Variants in NBAS observed in about 807,000 individuals in gnomAD.
NBAS encodes NAG/BC035112 fusion.
In NBAS, 219 loss-of-function variants were observed where a neutral mutation model predicts 302.5. That is an observed-to-expected ratio of 0.72 (90% CI 0.65 to 0.81). The LOEUF (loss-of-function observed/expected upper bound fraction) is 0.81, where lower values mean the gene tolerates loss of function less well. NBAS is among the 30% of genes least tolerant of loss of function. NBAS has a pLI of 0.00. For synonymous variants in NBAS, 1,118 were observed against 1,021.6 expected (o/e 1.09, Z -1.80); for missense variants, 2,932 against 2,841.6 (o/e 1.03, Z -0.72).
the NBAS span, among the ~76,000 whole-genome samples, chr2:14,783,232 C>T: frequency 6.6e-6 from 1 of 152,026 alleles, no homozygotes; most frequent in Non-Finnish European, 1.5e-5. Context: ...TGTGACTAAA[C>T]GTACTGGAAA....
chr2:14,854,054 C>G, the NBAS span, among the ~76,000 whole-genome samples: 5 of 146,236 alleles, frequency 3.4e-5, no homozygotes, highest in Non-Finnish European at 7.5e-5. Flanking sequence ...CACATGTACC[C>G]TAAAACTTAA....
At chr2:15,415,163 A>G (rs1210860135) in intron 25 of NBAS, among the ~76,000 whole-genome samples, 1 of 152,180 alleles carries the variant, frequency 6.6e-6, no homozygotes, top group Non-Finnish European at 1.5e-5. Context: ...TTCACTTTAT[A>G]TCACAATTTT....
chr2:14,788,872 T>G, the NBAS span, among the ~76,000 whole-genome samples: 5 of 152,322 alleles, frequency 3.3e-5, no homozygotes, highest in East Asian at 1.9e-4. Context: ...CTGTCAGACA[T>G]GGACATTTAA....
At position 15,247,363 on chromosome 2, in the gene NBAS, C is replaced by T. The variant is rs566666318; in HGVS notation, c.5725-8677G>A. 2.6e-5 allele frequency among the ~76,000 whole-genome samples: 4 copies of T among 152,248 alleles called. No individual in the cohort carries two copies. In the South Asian group the frequency reaches 6.2e-4, roughly 24 times the overall value. ...AAATAACCAGCTAGCATGATAATGG[C>T]TGGATCAAACTTATACATAACAATA... On this transcript the variant is annotated intron_variant, in intron 44 of 51. Transcript: ENST00000281513.
At chr2:15,489,156 A>C in intron 11 of NBAS, 134 bp from the exon 12 acceptor site, 1 of 999,488 alleles carries the variant, frequency 1.0e-6, no homozygotes, top group Non-Finnish European at 1.5e-6. Flanking sequence ...GCTTCCTATC[A>C]TTATAAATGT....
intron 9 of NBAS, among the ~76,000 whole-genome samples, chr2:15,522,404 G>C (rs934702658): frequency 6.6e-6 from 1 of 152,150 alleles, no homozygotes; most frequent in Non-Finnish European, 1.5e-5. Context: ...GGGAATACAT[G>C]AGAAGAAGCA....
chr2:15,042,014 G>A, the NBAS span, among the ~76,000 whole-genome samples: 2 of 152,222 alleles, frequency 1.3e-5, no homozygotes. Flanking sequence ...TGCTTCACAT[G>A]TTCCTCTATT....
chr2:15,422,273 G>C (rs1036920912), intron 23 of NBAS, among the ~76,000 whole-genome samples: 1 of 152,162 alleles, frequency 6.6e-6, no homozygotes, highest in African/African-American at 2.4e-5. Context: ...AGGCATTTCA[G>C]GTTCCTCCAT....
the NBAS span, among the ~76,000 whole-genome samples, chr2:14,900,172 T>C: frequency 6.6e-6 from 1 of 151,018 alleles, no homozygotes; most frequent in Non-Finnish European, 1.5e-5. Flanking sequence ...ACCTACCCAT[T>C]TGCTCAGCTG....
the NBAS span, among the ~76,000 whole-genome samples, chr2:15,148,449 G>A: frequency 3.3e-5 from 5 of 152,154 alleles, no homozygotes; most frequent in Non-Finnish European, 7.3e-5. Context: ...GGCAAGGAAT[G>A]ACCTAAATTT....
At chr2:14,945,942 G>C in the NBAS span, among the ~76,000 whole-genome samples, 1 of 152,252 alleles carries the variant, frequency 6.6e-6, no homozygotes, top group African/African-American at 2.4e-5. Context: ...TTAGCCAGAC[G>C]TGGTGGCACG....
intron 21 of NBAS, among the ~76,000 whole-genome samples, chr2:15,457,787 C>A (rs575092256): frequency 3.9e-5 from 6 of 152,174 alleles, no homozygotes; most frequent in African/African-American, 1.4e-4. Context: ...TTCAAAGAAC[C>A]CTCACAACGG....
intron 45 of NBAS, among the ~76,000 whole-genome samples, chr2:15,237,367 C>T (rs973082413): frequency 1.3e-5 from 2 of 151,736 alleles, no homozygotes; most frequent in Non-Finnish European, 2.9e-5. Flanking sequence ...TTTGAGACAC[C>T]AAGGAACTAG....
the NBAS span, among the ~76,000 whole-genome samples, chr2:15,144,192 G>A: frequency 6.6e-6 from 1 of 151,820 alleles, no homozygotes; most frequent in Middle Eastern, 3.4e-3. Flanking sequence ...CACACACAGT[G>A]TCAAAAGACA....
chr2:15,338,133 G>A (rs1327324855), intron 35 of NBAS, among the ~76,000 whole-genome samples: 1 of 152,228 alleles, frequency 6.6e-6, no homozygotes, highest in African/African-American at 2.4e-5. Flanking sequence ...TGTGTCAAGT[G>A]TGACTCACAG....
At chr2:14,834,478 T>TA in the NBAS span, among the ~76,000 whole-genome samples, 1 of 152,108 alleles carries the variant, frequency 6.6e-6, no homozygotes, top group Non-Finnish European at 1.5e-5. Context: ...ATTCATTTAG[T>TA]AAAAAATATC....
chr2:15,310,351 T>C (rs1473349214), intron 38 of NBAS, among the ~76,000 whole-genome samples: 1 of 152,208 alleles, frequency 6.6e-6, no homozygotes, highest in East Asian at 1.9e-4. Context: ...ATTTATTTCC[T>C]ACATGTTATC....
the NBAS span, among the ~76,000 whole-genome samples, chr2:15,051,935 C>T: frequency 6.6e-5 from 10 of 152,076 alleles, no homozygotes; most frequent in Admixed American, 2.6e-4. Context: ...AGCTCTTCCC[C>T]ATGGAAGCTT....
At position 15,427,857 on chromosome 2, in the gene NBAS, G is replaced by A. The variant is rs890007145; in HGVS notation, c.2340-63C>T. ...TTACCTCAATGACTTAGCCACACAA[G>A]GAGTAAAATGCAAACAGCATCTCTA... On this transcript the variant is annotated intron_variant, in intron 21 of 51. Coordinates refer to ENST00000281513, the MANE Select transcript of NBAS (RefSeq NM_015909.4). The A allele has an allele frequency of 4.4e-5, 55 of 1,239,604 alleles. No homozygotes were observed. In the African/African-American group the frequency reaches 6.7e-4, roughly 15 times the overall value. The allele number at this position is 1,239,604 out of a possible 1,614,324, so 76.8% of individuals were successfully genotyped here.
Sources: allele counts gnomAD v4.1 joint callset (sites outside exome capture counted in the v4.1 genomes callset), GRCh38; gene constraint gnomAD v4.1.1; transcripts MANE v1.5; gene names NCBI Gene and HGNC (gene_info 2026-07-23, HGNC 2026-07-21).